The following BMPR1B variants were observed in gnomAD, a reference collection of about 807,000 sequenced individuals.
BMPR1B encodes the protein bone morphogenetic protein receptor type-1B.
BMPR1B carries 12 observed loss-of-function variants against 59.1 expected under a neutral mutation model. That is an observed-to-expected ratio of 0.20 (90% confidence interval 0.13 to 0.33). The LOEUF (loss-of-function observed/expected upper bound fraction) is 0.33, where lower values mean the gene tolerates loss of function less well. Among genes scored for constraint, BMPR1B ranks in the 10% least tolerant of loss-of-function variants. The pLI is 1.00. For synonymous variants in BMPR1B, 237 were observed against 207.3 expected (o/e 1.14, Z -1.23); for missense variants, 550 against 610.9 (o/e 0.90, Z 1.05).
chr4:94,849,794 G>GGGTGTA (rs554604743), intron 1 of BMPR1B, among the ~76,000 whole-genome samples: 1 of 23,288 alleles, frequency 4.3e-5, no homozygotes, highest in African/African-American at 5.1e-4. Flanking sequence ...GGGTTTTTTG[G>GGGTGTA]TGTGTGTGTG....
chr4:94,948,148 C>T (rs1309473714), intron 2 of BMPR1B, among the ~76,000 whole-genome samples: 5 of 152,202 alleles, frequency 3.3e-5, no homozygotes, highest in African/African-American at 1.2e-4. Context: ...TAGCTTCTTC[C>T]TGGTCATAGC....
chr4:95,093,801 A>G (rs1314286777), intron 3 of BMPR1B, among the ~76,000 whole-genome samples: 1 of 152,108 alleles, frequency 6.6e-6, no homozygotes, highest in Non-Finnish European at 1.5e-5. Context: ...CAAATATTTT[A>G]TGAAGCCCTG....
chr4:95,000,001 T>G lies in BMPR1B; in HGVS notation c.-18+3867T>G, dbSNP rs553274100. Among the ~76,000 whole-genome samples, 3 of 152,256 alleles carry G rather than the reference T, an allele frequency of 2.0e-5. No individual in the cohort carries two copies. In the East Asian group the frequency reaches 5.8e-4, roughly 29 times the overall value. On this transcript the variant is annotated intron_variant, in intron 3 of 12. Transcript: ENST00000515059. ...CTCTGATATTCAATAAAAATAAAAT[T>G]TATTTTGCCTTTAATTGTATTTTAT...
chr4:94,892,223 C>T (rs188402520), intron 2 of BMPR1B, among the ~76,000 whole-genome samples: 75 of 152,182 alleles, frequency 4.9e-4, no homozygotes, highest in Admixed American at 1.6e-3. Context: ...CAGTAGATTA[C>T]GTTCTTGCTA....
intron 3 of BMPR1B, among the ~76,000 whole-genome samples, chr4:95,001,793 G>T (rs1201366268): frequency 6.6e-6 from 1 of 151,960 alleles, no homozygotes; most frequent in Non-Finnish European, 1.5e-5. Context: ...AGACGTAGAG[G>T]GGGGCAAAAC....
At chr4:94,827,686 G>C (rs1187772974) in intron 1 of BMPR1B, among the ~76,000 whole-genome samples, 1 of 152,120 alleles carries the variant, frequency 6.6e-6, no homozygotes, top group East Asian at 1.9e-4. Context: ...GCAGTGCCTA[G>C]CTTCCCATGT....
intron 3 of BMPR1B, among the ~76,000 whole-genome samples, chr4:95,096,775 T>C (rs373423458): frequency 3.9e-5 from 4 of 103,060 alleles, no homozygotes; most frequent in African/African-American, 1.4e-4. Flanking sequence ...CTATGTATAG[T>C]TATATATAAC....
At chr4:94,914,747 T>C (rs1191001315) in intron 2 of BMPR1B, among the ~76,000 whole-genome samples, 6 of 152,022 alleles carry the variant, frequency 3.9e-5, no homozygotes, top group Non-Finnish European at 8.8e-5. Flanking sequence ...CAGGAGTCAA[T>C]TAGGGAAATG....
At chr4:95,085,204 A>G (rs895357468) in intron 3 of BMPR1B, among the ~76,000 whole-genome samples, 3 of 152,256 alleles carry the variant, frequency 2.0e-5, no homozygotes, top group Non-Finnish European at 2.9e-5. Context: ...TATCAAAGCA[A>G]ACCATCCTCT....
chr4:95,141,416 G>C (rs1254574680), intron 10 of BMPR1B, among the ~76,000 whole-genome samples: 2 of 152,120 alleles, frequency 1.3e-5, no homozygotes, highest in Non-Finnish European at 2.9e-5. Context: ...TGTTCTCTTA[G>C]GCTTTTCAGT....
At chr4:94,799,940 G>C (rs35070714) in intron 1 of BMPR1B, among the ~76,000 whole-genome samples, 47,988 of 151,254 alleles carry the variant, frequency 0.32, 8,182 homozygotes, top group African/African-American at 0.44. Context: ...ATAACTTGCC[G>C]CAGCCTCCCA....
chr4:95,066,767 G>A (rs1727838855), intron 3 of BMPR1B, among the ~76,000 whole-genome samples: 1 of 152,116 alleles, frequency 6.6e-6, no homozygotes, highest in Non-Finnish European at 1.5e-5. Context: ...AAAACCTTAG[G>A]GGGTTTTTGA....
At chr4:94,994,673 G>A (rs1297885988) in intron 2 of BMPR1B, among the ~76,000 whole-genome samples, 2 of 150,754 alleles carry the variant, frequency 1.3e-5, no homozygotes, top group Non-Finnish European at 3.0e-5. Context: ...CAAATAGTTT[G>A]AAAGTTAATT....
intron 1 of BMPR1B, among the ~76,000 whole-genome samples, chr4:94,849,640 G>A (rs983697551): frequency 2.6e-5 from 4 of 151,724 alleles, no homozygotes; most frequent in African/African-American, 9.7e-5. Flanking sequence ...CAGAGAAGAT[G>A]GGATCTCATG....
chr4:94,976,781 T>C (rs1163094766), intron 2 of BMPR1B, among the ~76,000 whole-genome samples: 1 of 152,142 alleles, frequency 6.6e-6, no homozygotes, highest in Non-Finnish European at 1.5e-5. Context: ...AATGAGAGGC[T>C]GTTATATTCC....
Position 95,155,475 on chromosome 4 carries a change from C to CTTTTTTTTTTTTT in BMPR1B, c.*822_*834dup, listed in dbSNP as rs548956012. 3 of 64,298 alleles carry CTTTTTTTTTTTTT rather than the reference C, an allele frequency of 4.7e-5. 1 individual carries two copies. Among genetic ancestry groups the CTTTTTTTTTTTTT allele is most frequent in the Non-Finnish European group, 8.1e-5 (3 of 37,218 alleles). 4.0% of individuals were successfully genotyped at this position (64,298 alleles called of 1,614,324 possible). On this transcript the variant is annotated 3_prime_UTR_variant, in exon 13 of 13. Coordinates refer to ENST00000515059, the MANE Select transcript of BMPR1B (RefSeq NM_001203.3). Reference sequence around the variant, plus strand: ...CCCTTTTCATTAAACACAAAGAAAGCTTTTTTTTTTTTTTTTTTTTTTTTT... The same window carrying CTTTTTTTTTTTTT: ...CCCTTTTCATTAAACACAAAGAAAGCTTTTTTTTTTTTTTTTTTTTTTTTTTTTTTTTTTTTTT...
chr4:94,962,192 C>T (rs188115297), intron 2 of BMPR1B, among the ~76,000 whole-genome samples: 5 of 147,038 alleles, frequency 3.4e-5, no homozygotes, highest in Non-Finnish European at 4.5e-5. Flanking sequence ...GGCTGGAGTG[C>T]GGTAGCGTAA....
intron 2 of BMPR1B, among the ~76,000 whole-genome samples, chr4:94,944,358 C>T (rs1488795538): frequency 6.6e-6 from 1 of 152,120 alleles, no homozygotes; most frequent in African/African-American, 2.4e-5. Context: ...GGAAACTGGA[C>T]TCCTCTTCCA....
intron 2 of BMPR1B, among the ~76,000 whole-genome samples, chr4:94,895,483 G>A (rs1202180923): frequency 6.6e-6 from 1 of 151,764 alleles, no homozygotes; most frequent in Non-Finnish European, 1.5e-5. Flanking sequence ...TCAGCCTGCT[G>A]CACTTCAGCT....
Sources: allele counts gnomAD v4.1 joint callset (sites outside exome capture counted in the v4.1 genomes callset), GRCh38; gene constraint gnomAD v4.1.1; transcripts MANE v1.5; gene names NCBI Gene and HGNC (gene_info 2026-07-23, HGNC 2026-07-21).